VMP1: variants seen among roughly 807,000 people sequenced by gnomAD.
VMP1 encodes the protein vacuole membrane protein 1, also known as ectopic P-granules autophagy protein 3 homolog.
A neutral mutation model predicts 56.0 loss-of-function variants in VMP1; 11 were observed. The observed-to-expected ratio is 0.20, with a 90% CI of 0.12 to 0.32. VMP1 has a LOEUF of 0.32. Among genes scored for constraint, VMP1 ranks in the 10% least tolerant of loss-of-function variants. The pLI is 1.00. For synonymous variants in VMP1, 149 were observed against 165.0 expected (o/e 0.90, Z 0.74); for missense variants, 296 against 490.3 (o/e 0.60, Z 3.74).
intron 7 of VMP1, among the ~76,000 whole-genome samples, chr17:59,806,410 C>CAGT (rs2037843197): frequency 6.6e-6 from 1 of 152,008 alleles, no homozygotes; most frequent in South Asian, 2.1e-4. Context: ...CCCTTTGCTG[C>CAGT]AGTAGTTCAG....
At chr17:59,812,222 C>CTA (rs1221251462) in intron 9 of VMP1, among the ~76,000 whole-genome samples, 3 of 152,032 alleles carry the variant, frequency 2.0e-5, no homozygotes, top group Non-Finnish European at 4.4e-5. Flanking sequence ...TTCACATACT[C>CTA]TATATATATA....
intron 1 of VMP1, among the ~76,000 whole-genome samples, chr17:59,724,536 G>A (rs1200721330): frequency 6.6e-6 from 1 of 152,240 alleles, no homozygotes; most frequent in South Asian, 2.1e-4. Context: ...GCCTGTCGTG[G>A]TGGTGCACAC....
At chr17:59,814,915 C>T (rs902104735) in intron 9 of VMP1, among the ~76,000 whole-genome samples, 1 of 152,134 alleles carries the variant, frequency 6.6e-6, no homozygotes, top group Non-Finnish European at 1.5e-5. Context: ...GGGTAACAAA[C>T]ATTTCTCATT....
At chr17:59,785,136 A>G (rs1004131802) in intron 7 of VMP1, 1 of 152,174 alleles carries the variant, frequency 6.6e-6, no homozygotes, top group Non-Finnish European at 1.5e-5. Context: ...TGGTTGTGGT[A>G]TTTTTGTATT....
chr17:59,835,298 T>C (rs1193546870), intron 10 of VMP1, among the ~76,000 whole-genome samples: 1 of 151,014 alleles, frequency 6.6e-6, no homozygotes, highest in Non-Finnish European at 1.5e-5. Flanking sequence ...CCAGCTAATT[T>C]TTGTATTTTT....
chr17:59,831,632 T>TTA (rs2038808501), intron 10 of VMP1, among the ~76,000 whole-genome samples: 2 of 147,510 alleles, frequency 1.4e-5, no homozygotes, highest in South Asian at 4.2e-4. Context: ...TTTTTTTTTT[T>TTA]ACAATATTTA....
chr17:59,731,398 T>A, intron 1 of VMP1, 23 bp from the exon 2 acceptor site: 1 of 1,458,928 alleles, frequency 6.9e-7, no homozygotes, highest in Non-Finnish European at 9.4e-7. Context: ...AATGTATTGC[T>A]GGATTTTATT....
At chr17:59,727,675 A>G (rs990721720) in intron 1 of VMP1, among the ~76,000 whole-genome samples, 7 of 152,196 alleles carry the variant, frequency 4.6e-5, no homozygotes, top group African/African-American at 1.7e-4. Flanking sequence ...TCACTGATAC[A>G]ATAACAATGA....
intron 5 of VMP1, among the ~76,000 whole-genome samples, chr17:59,757,273 A>ATAGG (rs1477872385): frequency 1.3e-5 from 2 of 152,096 alleles, no homozygotes; most frequent in Middle Eastern, 3.4e-3. Context: ...AGATAGATAG[A>ATAGG]TAGATAGATA....
At chr17:59,825,361 C>T (rs2038614365) in intron 10 of VMP1, among the ~76,000 whole-genome samples, 1 of 151,854 alleles carries the variant, frequency 6.6e-6, no homozygotes, top group East Asian at 1.9e-4. Context: ...CATAAGCCAC[C>T]GTGCCCAGCC....
intron 1 of VMP1, among the ~76,000 whole-genome samples, chr17:59,715,134 C>CTT (rs2034102737): frequency 1.3e-5 from 2 of 152,168 alleles, no homozygotes; most frequent in Admixed American, 1.3e-4. Context: ...TTTCGCTACT[C>CTT]TAAGTTTTTG....
intron 6 of VMP1, among the ~76,000 whole-genome samples, chr17:59,770,645 A>T (rs2777889): frequency 6.6e-6 from 1 of 150,876 alleles, no homozygotes; most frequent in Non-Finnish European, 1.5e-5. Context: ...GTGCAATGGC[A>T]CAATCTCATT....
intron 5 of VMP1, among the ~76,000 whole-genome samples, chr17:59,740,440 A>G (rs1307114467): frequency 6.6e-6 from 1 of 152,230 alleles, no homozygotes; most frequent in Non-Finnish European, 1.5e-5. Context: ...AAGCACTTGC[A>G]ATCTCTGTGC....
At chr17:59,728,539 C>T (rs1037567036) in intron 1 of VMP1, among the ~76,000 whole-genome samples, 1 of 152,110 alleles carries the variant, frequency 6.6e-6, no homozygotes, top group Non-Finnish European at 1.5e-5. Context: ...ACTCTTGGGT[C>T]TTCTATTAAA....
chr17:59,812,760 G>A (rs796768583), intron 9 of VMP1, among the ~76,000 whole-genome samples: 2 of 151,888 alleles, frequency 1.3e-5, no homozygotes, highest in African/African-American at 4.8e-5. Flanking sequence ...GTGAAACCCT[G>A]TCTCTACTGA....
At position 59,725,607 on chromosome 17, in the gene VMP1, C is replaced by CA. The variant is rs545296279; in HGVS notation, c.-26-5813dup. Among the ~76,000 whole-genome samples the CA allele has an allele frequency of 6.7e-5, 10 of 150,156 alleles. No homozygotes were observed. In the East Asian group the frequency reaches 2.0e-3, roughly 29 times the overall value. On this transcript the variant is annotated intron_variant, in intron 1 of 11. Coordinates refer to ENST00000262291, the MANE Select transcript of VMP1 (RefSeq NM_030938.5). Reference sequence around the variant, plus strand: ...TTATAAGCTTAACTGTTTAGAACCTCAGTGGCTCTCTTGTTTGGCCTTATG... The same window carrying CA: ...TTATAAGCTTAACTGTTTAGAACCTCAAGTGGCTCTCTTGTTTGGCCTTATG...
intron 7 of VMP1, among the ~76,000 whole-genome samples, chr17:59,788,978 T>C (rs1183070007): frequency 6.6e-6 from 1 of 151,872 alleles, no homozygotes; most frequent in Non-Finnish European, 1.5e-5. Context: ...CAAACACCTT[T>C]TATAAAATGC....
Position 59,738,883 on chromosome 17 carries a change from T to C in VMP1, c.350T>C (p.Ile117Thr). The C allele has an allele frequency of 1.9e-6, 3 of 1,613,248 alleles. No individual in the cohort carries two copies. Among genetic ancestry groups the C allele is most frequent in the Non-Finnish European group, 2.5e-6 (3 of 1,179,668 alleles). The part of the protein sequence containing the change: ...EKQFLLYAYW[I>T]GLGILSSVGL... ...CAGTTTCTTTTGTATGCCTACTGGA[T>C]AGGCTTAGGAATTTTGTCTTCTGTT... The change falls in exon 5 of 12, where the codon ATA becomes ACA. Residue 117 changes from isoleucine (I) to threonine (T), a missense_variant. Ile to Thr is a moderately conservative substitution (Grantham distance 89, BLOSUM62 -1). This residue lies in a region of VMP1 where 126 missense variants were observed against 231.6 expected (regional missense o/e 0.54). Transcript: ENST00000262291.
At chr17:59,804,790 T>TA (rs1246585954) in intron 7 of VMP1, among the ~76,000 whole-genome samples, 2 of 152,006 alleles carry the variant, frequency 1.3e-5, no homozygotes, top group Non-Finnish European at 2.9e-5. Flanking sequence ...ATCAAGAAAA[T>TA]ACTGTCCATC....
Sources: allele counts gnomAD v4.1 joint callset (sites outside exome capture counted in the v4.1 genomes callset), GRCh38; gene constraint gnomAD v4.1.1; regional missense constraint gnomAD v4.1.1; transcripts MANE v1.5; gene names NCBI Gene and HGNC (gene_info 2026-07-23, HGNC 2026-07-21).